The following HCN1 variants were observed in gnomAD, a reference collection of about 807,000 sequenced individuals.
The protein encoded by HCN1 is potassium/sodium hyperpolarization-activated cyclic nucleotide-gated channel 1.
HCN1 carries 13 observed loss-of-function variants against 78.9 expected under a neutral mutation model. The ratio of observed to expected loss-of-function variants is 0.16; its 90% CI spans 0.11 to 0.26. HCN1 has a LOEUF of 0.26. Among genes scored for constraint, HCN1 ranks in the 10% least tolerant of loss-of-function variants. The pLI is 1.00. For missense variants in HCN1, 810 were observed against 1,154.3 expected (o/e 0.70, Z 4.32); for synonymous variants, 552 against 455.5 (o/e 1.21, Z -2.70).
chr5:45,316,795 G>T (rs1326789703), intron 5 of HCN1, among the ~76,000 whole-genome samples: 1 of 152,080 alleles, frequency 6.6e-6, no homozygotes, highest in Non-Finnish European at 1.5e-5. Context: ...GCCAAATCAT[G>T]AGTGAACTCC....
chr5:45,692,388 G>A (rs1739930761), intron 1 of HCN1, among the ~76,000 whole-genome samples: 1 of 152,100 alleles, frequency 6.6e-6, no homozygotes, highest in Admixed American at 6.5e-5. Flanking sequence ...AATTCAATAA[G>A]ACTAAGACCA....
At chr5:45,581,808 T>A (rs989177271) in intron 2 of HCN1, among the ~76,000 whole-genome samples, 19 of 152,322 alleles carry the variant, frequency 1.2e-4, no homozygotes, top group African/African-American at 4.3e-4. Context: ...TTTTGTCAAG[T>A]TTGTCAAAGA....
At chr5:45,572,934 G>A (rs1470748762) in intron 2 of HCN1, among the ~76,000 whole-genome samples, 2 of 152,138 alleles carry the variant, frequency 1.3e-5, no homozygotes, top group African/African-American at 4.8e-5. Flanking sequence ...TGTGTGGGTA[G>A]GGAGGAACAT....
intron 1 of HCN1, among the ~76,000 whole-genome samples, chr5:45,674,156 T>C (rs888525906): frequency 2.6e-5 from 4 of 151,208 alleles, no homozygotes; most frequent in Non-Finnish European, 4.4e-5. Flanking sequence ...TATATAGATA[T>C]ATAGATATAT....
At chr5:45,271,062 G>A (rs1744951095) in intron 6 of HCN1, among the ~76,000 whole-genome samples, 1 of 152,050 alleles carries the variant, frequency 6.6e-6, no homozygotes, top group Admixed American at 6.6e-5. Flanking sequence ...AATCTTCAAG[G>A]AGGATGCTTT....
chr5:45,620,385 A>C (rs569528154), intron 2 of HCN1, among the ~76,000 whole-genome samples: 27 of 152,154 alleles, frequency 1.8e-4, no homozygotes, highest in African/African-American at 6.3e-4. Flanking sequence ...ATATTTATGT[A>C]AGATGTTAAC....
chr5:45,314,708 G>A (rs1047921736), intron 5 of HCN1, among the ~76,000 whole-genome samples: 7 of 152,018 alleles, frequency 4.6e-5, no homozygotes, highest in Non-Finnish European at 1.5e-5. Flanking sequence ...AAAATAAAGG[G>A]ATAGAGGAAG....
chr5:45,590,374 A>G (rs1744333469), intron 2 of HCN1, among the ~76,000 whole-genome samples: 1 of 152,218 alleles, frequency 6.6e-6, no homozygotes, highest in South Asian at 2.1e-4. Context: ...CTGCCCTCAC[A>G]CACACATAGC....
chr5:45,691,782 G>A (rs1199108074), intron 1 of HCN1, among the ~76,000 whole-genome samples: 3 of 152,118 alleles, frequency 2.0e-5, no homozygotes, highest in Non-Finnish European at 2.9e-5. Flanking sequence ...TATAATATGG[G>A]TGAAGCCTCC....
At chr5:45,312,437 G>C (rs1745869287) in intron 5 of HCN1, among the ~76,000 whole-genome samples, 1 of 152,188 alleles carries the variant, frequency 6.6e-6, no homozygotes, top group Non-Finnish European at 1.5e-5. Flanking sequence ...CTCCCAGTGT[G>C]AGCGACGCAG....
At chr5:45,318,953 A>G (rs1023328028) in intron 5 of HCN1, among the ~76,000 whole-genome samples, 6 of 151,920 alleles carry the variant, frequency 3.9e-5, no homozygotes, top group Non-Finnish European at 7.4e-5. Context: ...CATACTGTGT[A>G]GTCTTTTGTG....
chr5:45,671,688 ATAAC>A (rs1460869554), intron 1 of HCN1, among the ~76,000 whole-genome samples: 2 of 151,570 alleles, frequency 1.3e-5, no homozygotes, highest in Admixed American at 6.6e-5. Context: ...CAATAGTTGT[ATAAC>A]TATTTATAGT....
At chr5:45,335,558 G>A (rs1008479451) in intron 5 of HCN1, among the ~76,000 whole-genome samples, 11 of 151,980 alleles carry the variant, frequency 7.2e-5, no homozygotes, top group African/African-American at 2.7e-4. Flanking sequence ...TCCCTCCTGA[G>A]TACTGGCCTG....
intron 2 of HCN1, among the ~76,000 whole-genome samples, chr5:45,500,957 A>T (rs1742175251): frequency 6.6e-6 from 1 of 152,170 alleles, no homozygotes; most frequent in Non-Finnish European, 1.5e-5. Flanking sequence ...ACTTCTTTTG[A>T]CAAACTTTTA....
chr5:45,453,853 T>A (rs1740972886), intron 3 of HCN1, among the ~76,000 whole-genome samples: 1 of 152,170 alleles, frequency 6.6e-6, no homozygotes, highest in Admixed American at 6.5e-5. Context: ...AACGGAGAAC[T>A]AAGTCTAGCA....
Position 45,695,887 on chromosome 5 carries a change from G to T in HCN1, c.207C>A (p.Gly69=). 6.9e-7 allele frequency: 1 copy of T among 1,447,624 alleles called. No individual in the cohort carries two copies. The highest frequency in any genetic ancestry group is 9.2e-7 in the Non-Finnish European group (1 of 1,090,632). The allele number at this position is 1,447,624 out of a possible 1,614,324, so 89.7% of individuals were successfully genotyped here. A position where few individuals can be genotyped will look rare whatever the true frequency, so the allele number is the denominator to read the frequency against. The stretch of plus-strand genomic sequence containing the variant: ...CCGGCTCCTCGCCGCCGCCGCCGCC[G>T]CCGCCACCGCCGCCACCGCCGTCCA... ...FKVDGGGGGG[G]GGGGGEEPAG... Residue 69 remains glycine (G), a synonymous_variant, in exon 1 of 8, where the codon GGC becomes GGA. Transcript: ENST00000303230.
intron 1 of HCN1, among the ~76,000 whole-genome samples, chr5:45,681,517 T>C (rs1425451253): frequency 6.6e-6 from 1 of 152,076 alleles, no homozygotes; most frequent in Non-Finnish European, 1.5e-5. Context: ...CGTTTTTCAC[T>C]GGAATATTAT....
chr5:45,299,657 G>A (rs1475821213), intron 6 of HCN1, among the ~76,000 whole-genome samples: 2 of 151,888 alleles, frequency 1.3e-5, no homozygotes, highest in Non-Finnish European at 2.9e-5. Context: ...TAGAAAACCT[G>A]AGTATTTTAA....
chr5:45,305,097 T>C (rs1221652625), intron 5 of HCN1, among the ~76,000 whole-genome samples: 2 of 152,146 alleles, frequency 1.3e-5, no homozygotes, highest in East Asian at 3.9e-4. Flanking sequence ...TCACAGAAAT[T>C]GGTCATGTCT....
Sources: gnomAD v4.1 joint callset for allele counts (sites outside exome capture counted in the v4.1 genomes callset) on GRCh38, gnomAD v4.1.1 for gene constraint, MANE v1.5 for transcripts, NCBI Gene and HGNC (gene_info 2026-07-23, HGNC 2026-07-21) for gene names.